ITGAL: variants seen among roughly 807,000 people sequenced by gnomAD.
The protein encoded by ITGAL is integrin subunit alpha L, also known as integrin alpha-L.
In ITGAL, 68 loss-of-function variants were observed where a neutral mutation model predicts 138.4. The observed-to-expected ratio is 0.49, with a 90% CI of 0.40 to 0.60. The LOEUF (loss-of-function observed/expected upper bound fraction) is 0.60, where lower values mean the gene tolerates loss of function less well. Among genes scored for constraint, ITGAL ranks in the 20% least tolerant of loss-of-function variants. The probability of loss-of-function intolerance (pLI) is 0.00; values close to 1 mark genes in which losing one functional copy is unlikely to be tolerated. For synonymous variants in ITGAL, 561 were observed against 584.3 expected (o/e 0.96, Z 0.57); for missense variants, 1,256 against 1,478.6 (o/e 0.85, Z 2.47).
At chr16:30,508,956 C>G (rs1220829592) in intron 21 of ITGAL, among the ~76,000 whole-genome samples, 1 of 152,056 alleles carries the variant, frequency 6.6e-6, no homozygotes, top group Non-Finnish European at 1.5e-5. Context: ...GTGGGCAGAT[C>G]ATCTGAGGTC....
intron 20 of ITGAL, among the ~76,000 whole-genome samples, chr16:30,506,480 A>G (rs1360984998): frequency 1.2e-4 from 17 of 141,824 alleles, no homozygotes; most frequent in Non-Finnish European, 2.4e-4. Context: ...AATGGCGTGA[A>G]CCCGGGAGGC....
intron 1 of ITGAL, 41 bp from the exon 2 acceptor site, chr16:30,474,155 G>T: frequency 2.1e-6 from 3 of 1,447,778 alleles, no homozygotes; most frequent in Non-Finnish European, 2.8e-6. Flanking sequence ...TGCAGGGGCG[G>T]GGGTCCCTCG....
Position 30,521,913 on chromosome 16 carries a change from A to G in ITGAL, c.*248A>G. 2.2e-6 allele frequency: 1 copy of G among 458,138 alleles called. No individual in the cohort carries two copies. The allele number at this position is 458,138 out of a possible 1,614,324, so 28.4% of individuals were successfully genotyped here. On this transcript the variant is annotated 3_prime_UTR_variant, in exon 31 of 31. Coordinates refer to ENST00000356798, the MANE Select transcript of ITGAL (RefSeq NM_002209.3). ...GCTTGTCATTACCAGACGGTTCACCAGCCTCTCTTGGTTTCCTTCCTTGGA... is the reference window on the plus strand; with the variant it reads ...GCTTGTCATTACCAGACGGTTCACCGGCCTCTCTTGGTTTCCTTCCTTGGA...
At position 30,496,520 on chromosome 16, in the gene ITGAL, T is replaced by C; in HGVS notation, c.1786T>C (p.Leu596=). The part of the protein sequence containing the change: ...HGVKDLEGDG[L]ADVAVGAESQ... ...GGTGAAGGACCTTGAAGGGGATGGC[T>C]TGGCAGATGTGGCTGTGGGGGCTGA... The change falls in exon 15 of 31, where the codon TTG becomes CTG. Residue 596 remains leucine (L), a synonymous_variant. Transcript: ENST00000356798. 1 of 1,612,096 alleles carries C rather than the reference T, an allele frequency of 6.2e-7. No homozygotes were observed. Among genetic ancestry groups the C allele is most frequent in the Non-Finnish European group, 8.5e-7 (1 of 1,179,372 alleles).
At chr16:30,514,062 C>T (rs2051130926) in intron 25 of ITGAL, among the ~76,000 whole-genome samples, 1 of 152,150 alleles carries the variant, frequency 6.6e-6, no homozygotes, top group Non-Finnish European at 1.5e-5. Flanking sequence ...TCAAGAATCA[C>T]AGGACTTGAG....
At chr16:30,495,824 G>A (rs2050790503) in intron 13 of ITGAL, among the ~76,000 whole-genome samples, 1 of 152,024 alleles carries the variant, frequency 6.6e-6, no homozygotes, top group African/African-American at 2.4e-5. Flanking sequence ...ACTCCAGCCT[G>A]TGCGACAGAG....
chr16:30,495,150 G>C (rs2050781622), intron 13 of ITGAL, among the ~76,000 whole-genome samples: 2 of 152,086 alleles, frequency 1.3e-5, no homozygotes, highest in Admixed American at 1.3e-4. Flanking sequence ...TCAGCCTCCC[G>C]AGTAGCTGGG....
intron 11 of ITGAL, among the ~76,000 whole-genome samples, chr16:30,493,370 C>A (rs894440005): frequency 4.6e-5 from 7 of 151,920 alleles, no homozygotes; most frequent in Admixed American, 1.3e-4. Flanking sequence ...AGCTCCCCCT[C>A]CCAGGTTCAC....
intron 30 of ITGAL, among the ~76,000 whole-genome samples, chr16:30,520,376 A>G (rs575000598): frequency 2.6e-5 from 4 of 152,178 alleles, no homozygotes; most frequent in Non-Finnish European, 5.9e-5. Flanking sequence ...TCAAGGCTGC[A>G]GTGAGCCATG....
At chr16:30,509,303 G>A (rs1165413279) in intron 21 of ITGAL, 2 of 152,054 alleles carry the variant, frequency 1.3e-5, no homozygotes, top group Non-Finnish European at 2.9e-5. Context: ...TAGCCTCCCT[G>A]AACCTGTATT....
chr16:30,493,341 G>A (rs1041850833), intron 11 of ITGAL, among the ~76,000 whole-genome samples: 18 of 151,074 alleles, frequency 1.2e-4, no homozygotes, highest in Non-Finnish European at 2.2e-4. Context: ...GTGTAGTAGC[G>A]AAATCTCAGC....
At chr16:30,506,902 C>T in intron 21 of ITGAL, 46 bp downstream of exon 21, 2 of 1,605,174 alleles carry the variant, frequency 1.2e-6, no homozygotes, top group Non-Finnish European at 1.7e-6. Flanking sequence ...GTTCGGCAGA[C>T]ACTGCCCCCT....
At chr16:30,506,324 C>A (rs756511583) in intron 20 of ITGAL, among the ~76,000 whole-genome samples, 80 of 146,998 alleles carry the variant, frequency 5.4e-4, no homozygotes, top group Non-Finnish European at 1.0e-3. Context: ...GAGGCCGAGG[C>A]GGGCGGATCA....
At chr16:30,472,996 A>C in intron 1 of ITGAL, 98 bp downstream of exon 1, 3 of 1,153,976 alleles carry the variant, frequency 2.6e-6, no homozygotes, top group Admixed American at 2.0e-5. Context: ...TGCCCCCTAA[A>C]AGTGGGATTG....
rs749453178 is a variant in ITGAL at position 30,517,104 on chromosome 16, A to C, written c.2976+18A>C. ...TGCAGATGGTGAGTGCTGCCTGTAG[A>C]GGGAGGGTCTACCCTCCTCAGGTCT... On this transcript the variant is annotated intron_variant, in intron 26 of 30. Coordinates refer to ENST00000356798, the MANE Select transcript of ITGAL (RefSeq NM_002209.3). 1 of 1,519,450 alleles carries C rather than the reference A, an allele frequency of 6.6e-7. No individual in the cohort carries two copies. The highest frequency in any genetic ancestry group is 9.1e-7 in the Non-Finnish European group (1 of 1,100,632). The allele number at this position is 1,519,450 out of a possible 1,614,324, so 94.1% of individuals were successfully genotyped here. A position where few individuals can be genotyped will look rare whatever the true frequency, so the allele number is the denominator to read the frequency against.
chr16:30,479,370 A>G lies in ITGAL; in HGVS notation c.485A>G (p.Asp162Gly). 1 of 1,614,136 alleles carries G rather than the reference A, an allele frequency of 6.2e-7. No homozygotes were observed. Residue 162 changes from aspartate to glycine, a missense_variant, in exon 6 of 31, where the codon GAT becomes GGT. Physicochemically the swap from Asp to Gly is moderately conservative, Grantham distance 94. Around this residue, in one of 3 missense-constraint regions of ITGAL, gnomAD observed 212 missense variants for 217.4 expected, o/e 0.98. Coordinates refer to ENST00000356798, the MANE Select transcript of ITGAL (RefSeq NM_002209.3). ...KGNVDLVFLFDGSMSLQPDEF... is the reference protein window; with the variant it reads ...KGNVDLVFLFGGSMSLQPDEF... ...AACGTAGACCTGGTATTTCTGTTTG[A>G]TGGTTCGATGAGCTTGCAGCCAGAT... is the stretch of plus-strand genomic sequence containing the variant.
intron 28 of ITGAL, 54 bp downstream of exon 28, chr16:30,517,949 G>C: frequency 6.9e-7 from 1 of 1,447,516 alleles, no homozygotes; most frequent in Non-Finnish European, 9.7e-7. Context: ...CAATGCCTGG[G>C]GCCGTTGTGG....
chr16:30,494,654 C>T lies in ITGAL; in HGVS notation c.1366-59C>T. The T allele has an allele frequency of 3.2e-6, 5 of 1,543,736 alleles. No homozygotes were observed. Among genetic ancestry groups the T allele is most frequent in the Non-Finnish European group, 3.5e-6 (4 of 1,141,500 alleles). ...CAAGATGAACACGGTACAGGTATCT[C>T]CCTGCCAACCCCTGCTGTTCCCACA... On this transcript the variant is annotated intron_variant, in intron 12 of 30. Coordinates refer to ENST00000356798, the MANE Select transcript of ITGAL (RefSeq NM_002209.3). This position sits in a 1 kb window ranked among gnomAD's most constrained non-coding sequence, Gnocchi z 4.2.
At position 30,494,220 on chromosome 16, in the gene ITGAL, G is replaced by A. The variant is rs771500045; in HGVS notation, c.1222G>A (p.Val408Met). The A allele has an allele frequency of 7.5e-6, 12 of 1,607,034 alleles. No individual in the cohort carries two copies. The highest frequency in any genetic ancestry group is 1.3e-5 in the African/African-American group (1 of 74,938). ...EVRAGYLGYT[V>M]TWLPSRQKTS... ...CCACACACTTTCCTCAGGTTACACCGTGACCTGGCTGCCCTCCCGGCAAAA... is the reference window on the plus strand; with the variant it reads ...CCACACACTTTCCTCAGGTTACACCATGACCTGGCTGCCCTCCCGGCAAAA... The change falls in exon 12 of 31, where the codon GTG becomes ATG. Residue 408 changes from valine (V) to methionine (M), a missense_variant. By Grantham distance (21) the Val-to-Met change is conservative. This residue lies in a region of ITGAL where 867 missense variants were observed against 972.5 expected (regional missense o/e 0.89). Transcript: ENST00000356798. This position sits in a 1 kb window ranked among gnomAD's most constrained non-coding sequence, Gnocchi z 4.2.
Sources: gnomAD v4.1 joint callset for allele counts (sites outside exome capture counted in the v4.1 genomes callset) on GRCh38, gnomAD v4.1.1 for gene constraint, gnomAD v4.1.1 regional missense constraint, Gnocchi (gnomAD v3.1) non-coding constraint, MANE v1.5 for transcripts, NCBI Gene and HGNC (gene_info 2026-07-23, HGNC 2026-07-21) for gene names.